The following AAMDC variants were observed in gnomAD, a reference collection of about 807,000 sequenced individuals.
The protein encoded by AAMDC is mth938 domain-containing protein.
AAMDC carries 16 observed loss-of-function variants against 15.5 expected under a neutral mutation model. The observed-to-expected ratio is 1.03, with a 90% CI of 0.70 to 1.57. The LOEUF is 1.57. Ranked by LOEUF, AAMDC falls within the 40% of genes most tolerant of loss-of-function variation. AAMDC has a pLI of 0.00. For missense variants in AAMDC, 141 were observed against 144.9 expected (o/e 0.97, Z 0.14); for synonymous variants, 51 against 51.6 (o/e 0.99, Z 0.05).
At chr11:77,905,890 C>A (rs1427948535) in intron 3 of AAMDC, among the ~76,000 whole-genome samples, 2 of 152,168 alleles carry the variant, frequency 1.3e-5, no homozygotes, top group East Asian at 3.8e-4. Context: ...ACCCACCCAA[C>A]TGTCATTAGT....
intron 2 of AAMDC, among the ~76,000 whole-genome samples, chr11:77,852,409 CAT>C (rs1205585549): frequency 6.6e-6 from 1 of 151,978 alleles, no homozygotes; most frequent in Non-Finnish European, 1.5e-5. Flanking sequence ...CTTTCTGAAT[CAT>C]GTAAAATATT....
chr11:77,822,339 G>A (rs927104626), intron 1 of AAMDC, among the ~76,000 whole-genome samples: 3 of 150,794 alleles, frequency 2.0e-5, no homozygotes, highest in African/African-American at 4.9e-5. Context: ...CCCTTGAACC[G>A]GGGAGGCGAA....
chr11:77,824,655 A>C (rs1227715120), intron 1 of AAMDC, among the ~76,000 whole-genome samples: 1 of 152,212 alleles, frequency 6.6e-6, no homozygotes, highest in Admixed American at 6.5e-5. Context: ...CATCAATATG[A>C]AGGTCAAAAC....
intron 3 of AAMDC, among the ~76,000 whole-genome samples, chr11:77,870,383 G>T (rs1199100856): frequency 1.4e-5 from 2 of 140,312 alleles, no homozygotes; most frequent in African/African-American, 5.4e-5. Flanking sequence ...TGTCGCCCAG[G>T]CTGAGTGCAG....
chr11:77,868,463 A>AT (rs1951232954), intron 2 of AAMDC, among the ~76,000 whole-genome samples: 1 of 147,486 alleles, frequency 6.8e-6, no homozygotes, highest in Non-Finnish European at 1.5e-5. Flanking sequence ...GGTTCAAGTG[A>AT]TTCTCCTGCC....
At chr11:77,851,979 A>G (rs1950402509) in intron 2 of AAMDC, among the ~76,000 whole-genome samples, 1 of 152,122 alleles carries the variant, frequency 6.6e-6, no homozygotes, top group Non-Finnish European at 1.5e-5. Context: ...ATCAATTCAG[A>G]TTCACTAGTT....
intron 2 of AAMDC, among the ~76,000 whole-genome samples, chr11:77,853,529 C>T (rs1464444937): frequency 2.0e-5 from 3 of 152,130 alleles, no homozygotes; most frequent in Admixed American, 6.5e-5. Context: ...GGCCTCACAC[C>T]AGGCCCCTTC....
At chr11:77,838,309 T>C (rs1400419078) in intron 1 of AAMDC, among the ~76,000 whole-genome samples, 2 of 152,216 alleles carry the variant, frequency 1.3e-5, no homozygotes, top group Non-Finnish European at 2.9e-5. Flanking sequence ...GAACATACCT[T>C]GTAGATATGG....
chr11:77,893,992 T>TA (rs1004817195), intron 5 of AAMDC, among the ~76,000 whole-genome samples: 63 of 152,234 alleles, frequency 4.1e-4, no homozygotes, highest in African/African-American at 1.4e-3. Context: ...CAAACGTATT[T>TA]ACACGTTTTC....
Position 77,872,157 on chromosome 11 carries a change from T to G in AAMDC, c.229-18T>G. ...GGGCCTTTCCCCCTACTTACTCATC[T>G]CTTTTCCACCTTCCCAGGTGCCTTC... On this transcript the variant is annotated intron_variant, in intron 3 of 3. Coordinates refer to ENST00000393427, the MANE Select transcript of AAMDC (RefSeq NM_024684.4). 6.2e-7 allele frequency: 1 copy of G among 1,608,224 alleles called. No individual in the cohort carries two copies. Among genetic ancestry groups the G allele is most frequent in the Non-Finnish European group, 8.5e-7 (1 of 1,177,608 alleles).
chr11:77,827,270 A>G (rs777506501), intron 1 of AAMDC, among the ~76,000 whole-genome samples: 12 of 152,232 alleles, frequency 7.9e-5, no homozygotes, highest in Non-Finnish European at 1.6e-4. Context: ...ACTAGAAGAG[A>G]GGGAACACTT....
chr11:77,839,546 A>G (rs1949835093), intron 1 of AAMDC, among the ~76,000 whole-genome samples: 1 of 152,206 alleles, frequency 6.6e-6, no homozygotes, highest in South Asian at 2.1e-4. Context: ...ACTGTTTACA[A>G]TAGCGAAGAC....
chr11:77,824,043 T>A (rs924731457), intron 1 of AAMDC, among the ~76,000 whole-genome samples: 84 of 152,076 alleles, frequency 5.5e-4, no homozygotes, highest in African/African-American at 2.0e-3. Context: ...GGAAACAGAG[T>A]CCTTTGGCAT....
intron 5 of AAMDC, among the ~76,000 whole-genome samples, chr11:77,886,430 C>A (rs1289443978): frequency 6.6e-6 from 1 of 152,138 alleles, no homozygotes; most frequent in Admixed American, 6.6e-5. Flanking sequence ...AGTTAATAAT[C>A]GCGAAGGCCC....
At chr11:77,837,540 C>T (rs999728547) in intron 1 of AAMDC, among the ~76,000 whole-genome samples, 1 of 151,966 alleles carries the variant, frequency 6.6e-6, no homozygotes, top group Non-Finnish European at 1.5e-5. Context: ...TTGTTACCTC[C>T]ACCTCCTGCC....
chr11:77,842,196 A>C (rs1281481415), intron 1 of AAMDC, among the ~76,000 whole-genome samples: 1 of 152,190 alleles, frequency 6.6e-6, no homozygotes, highest in East Asian at 1.9e-4. Context: ...TCACTCCATC[A>C]TGCTGAAGTA....
chr11:77,901,593 G>T (rs1327100253), downstream of AAMDC: 1 of 1,478,056 alleles, frequency 6.8e-7, no homozygotes, highest in Non-Finnish European at 9.5e-7. Context: ...AAATATCATA[G>T]TCTTACTTGA....
chr11:77,893,939 C>T (rs1311765468), intron 5 of AAMDC, among the ~76,000 whole-genome samples: 4 of 105,754 alleles, frequency 3.8e-5, no homozygotes, highest in Non-Finnish European at 8.2e-5. Flanking sequence ...ATGGTGTGAA[C>T]GAACAGTGTT....
intron 5 of AAMDC, among the ~76,000 whole-genome samples, chr11:77,887,537 C>T (rs540004710): frequency 4.6e-4 from 70 of 152,232 alleles, no homozygotes; most frequent in African/African-American, 1.6e-3. Context: ...TCTCTCAGCA[C>T]TCCTATTCAA....
Sources: allele counts gnomAD v4.1 joint callset (sites outside exome capture counted in the v4.1 genomes callset), GRCh38; gene constraint gnomAD v4.1.1; transcripts MANE v1.5; gene names NCBI Gene and HGNC (gene_info 2026-07-23, HGNC 2026-07-21).